Variants in POLR3G observed in about 807,000 individuals in gnomAD.
POLR3G encodes the protein DNA-directed RNA polymerase III subunit RPC7.
In POLR3G, 28 loss-of-function variants were observed where a neutral mutation model predicts 30.1. That is an observed-to-expected ratio of 0.93 (90% CI 0.69 to 1.27). The LOEUF is 1.27. Ranked by LOEUF, POLR3G falls within the 50% of genes most tolerant of loss-of-function variation. POLR3G has a pLI of 0.00. For missense variants in POLR3G, 254 were observed against 264.6 expected (o/e 0.96, Z 0.28); for synonymous variants, 79 against 82.5 (o/e 0.96, Z 0.23).
chr5:90,511,912 G>C, intron 7 of POLR3G, 141 bp from the exon 8 acceptor site: 1 of 611,192 alleles, frequency 1.6e-6, no homozygotes, highest in Non-Finnish European at 3.0e-6. Context: ...GTGGTCTTAA[G>C]GAAGAAAGCG....
chr5:90,483,486 G>A (rs1170877976), intron 1 of POLR3G, among the ~76,000 whole-genome samples: 1 of 152,148 alleles, frequency 6.6e-6, no homozygotes, highest in Non-Finnish European at 1.5e-5. Context: ...AAATGTAGAA[G>A]GACATTAAAA....
intron 2 of POLR3G, among the ~76,000 whole-genome samples, chr5:90,486,267 T>A (rs1419481807): frequency 3.9e-5 from 6 of 152,252 alleles, no homozygotes; most frequent in Admixed American, 2.6e-4. Context: ...TGCGTTTTGC[T>A]CTTGGTATTT....
At chr5:90,495,656 C>A (rs745895874) in intron 3 of POLR3G, 21 bp from the exon 4 acceptor site, 2 of 1,598,108 alleles carry the variant, frequency 1.3e-6, no homozygotes, top group Admixed American at 3.5e-5. Context: ...CTAATGAGTT[C>A]TTTATTCTTT....
chr5:90,481,454 G>A (rs1017045408), intron 1 of POLR3G, among the ~76,000 whole-genome samples: 3 of 152,126 alleles, frequency 2.0e-5, no homozygotes, highest in Non-Finnish European at 2.9e-5. Context: ...TCCAGAATAT[G>A]GGAAATTATA....
rs1209455631 is a variant in POLR3G at position 90,474,931 on chromosome 5, A to T, written c.-133A>T. 3 of 152,488 alleles carry T rather than the reference A, an allele frequency of 2.0e-5. No individual in the cohort carries two copies. Among genetic ancestry groups the T allele is most frequent in the African/African-American group, 7.2e-5 (3 of 41,460 alleles). 9.4% of individuals were successfully genotyped at this position (152,488 alleles called of 1,614,324 possible). A position where few individuals can be genotyped will look rare whatever the true frequency, so the allele number is the denominator to read the frequency against. ...TCCCGAGGTGGAACGGGCGGCAGTC[A>T]AGCGCCGGCGTTCTCTGCCGTCACC... On this transcript the variant is annotated 5_prime_UTR_variant, in exon 1 of 8. Coordinates refer to ENST00000651687, the MANE Select transcript of POLR3G (RefSeq NM_006467.3).
chr5:90,505,676 TAAGAAAC>T, intron 6 of POLR3G, among the ~76,000 whole-genome samples: 1 of 152,042 alleles, frequency 6.6e-6, no homozygotes, highest in Non-Finnish European at 1.5e-5. Flanking sequence ...CCAGATATAT[TAAGAAAC>T]AAGAATTCCT....
intron 3 of POLR3G, 138 bp from the exon 4 acceptor site, chr5:90,495,538 CT>C: frequency 1.4e-6 from 2 of 1,393,006 alleles, no homozygotes; most frequent in South Asian, 3.0e-5. Context: ...TTCCCATTCT[CT>C]TATGTACAAA....
Position 90,513,878 on chromosome 5 carries a change from TCTCAA to T in POLR3G, c.*1743_*1747del, listed in dbSNP as rs1279576946. Reference sequence around the variant, plus strand: ...GATAATTAACATAGGTGTTTTATTCTCTCAACTCCTTAGTACCAGAGCCAAATACA... The same window carrying T: ...GATAATTAACATAGGTGTTTTATTCTCTCCTTAGTACCAGAGCCAAATACA... On this transcript the variant is annotated 3_prime_UTR_variant, in exon 8 of 8. Transcript: ENST00000651687. 1 of 152,246 alleles carries T rather than the reference TCTCAA, an allele frequency of 6.6e-6. No homozygotes were observed. The highest frequency in any genetic ancestry group is 1.5e-5 in the Non-Finnish European group (1 of 68,044). The allele number at this position is 152,246 out of a possible 1,614,324, so 9.4% of individuals were successfully genotyped here.
intron 7 of POLR3G, among the ~76,000 whole-genome samples, chr5:90,510,997 A>G (rs1375967934): frequency 6.6e-6 from 1 of 152,146 alleles, no homozygotes; most frequent in African/African-American, 2.4e-5. Context: ...GCAGATCTCA[A>G]TCATGTGCAA....
At chr5:90,502,350 T>C (rs368417046) in intron 6 of POLR3G, 3 of 926,768 alleles carry the variant, frequency 3.2e-6, no homozygotes, top group Admixed American at 6.2e-5. Flanking sequence ...TTTTTCCTCC[T>C]GTTGGTTAAT....
intron 1 of POLR3G, among the ~76,000 whole-genome samples, chr5:90,479,874 TGAG>T (rs1751037727): frequency 6.6e-6 from 1 of 152,044 alleles, no homozygotes; most frequent in Non-Finnish European, 1.5e-5. Flanking sequence ...AGAGGGAAGA[TGAG>T]GAGAGTAGCA....
intron 7 of POLR3G, among the ~76,000 whole-genome samples, chr5:90,508,802 C>T (rs1752609623): frequency 6.6e-6 from 1 of 152,156 alleles, no homozygotes; most frequent in Non-Finnish European, 1.5e-5. Flanking sequence ...CAGTGGCTCA[C>T]TCTGTAATCC....
At chr5:90,484,846 T>C (rs573463663) in intron 1 of POLR3G, among the ~76,000 whole-genome samples, 5 of 152,330 alleles carry the variant, frequency 3.3e-5, no homozygotes, top group African/African-American at 1.2e-4. Context: ...GAAAGAACTC[T>C]AGCGTAGGGA....
intron 1 of POLR3G, among the ~76,000 whole-genome samples, chr5:90,483,649 A>AT (rs1751261952): frequency 6.6e-6 from 1 of 152,162 alleles, no homozygotes. Context: ...TACTAAAAAA[A>AT]TAAGCCGGGC....
intron 6 of POLR3G, 30 bp from the exon 7 acceptor site, chr5:90,506,498 A>G (rs370208515): frequency 3.7e-6 from 6 of 1,605,582 alleles, no homozygotes; most frequent in Non-Finnish European, 4.2e-6. Flanking sequence ...AGTGGTTTCC[A>G]TACAAATTAA....
At chr5:90,510,808 A>C (rs1227648272) in intron 7 of POLR3G, among the ~76,000 whole-genome samples, 1 of 152,142 alleles carries the variant, frequency 6.6e-6, no homozygotes, top group African/African-American at 2.4e-5. Context: ...TATACAGTGA[A>C]TAATGCATGT....
intron 5 of POLR3G, among the ~76,000 whole-genome samples, chr5:90,499,171 C>T (rs967458702): frequency 1.3e-5 from 2 of 151,924 alleles, no homozygotes; most frequent in Non-Finnish European, 2.9e-5. Flanking sequence ...ATCATTGAGA[C>T]CAAGAGAAAG....
Position 90,506,543 on chromosome 5 carries a change from G to A in POLR3G, c.454G>A (p.Gly152Ser), listed in dbSNP as rs1257301922. The A allele has an allele frequency of 3.1e-6, 5 of 1,612,774 alleles. No individual in the cohort carries two copies. The African/African-American group carries it at 5.3e-5, about 17-fold the overall frequency. The stretch of plus-strand genomic sequence containing the variant: ...CTTATACCAGGAATTGGAAAAAAGA[G>A]GTGATGGTGAAAAATCAGATGAGGA... ...LKKMEELEKR[G>S]DGEKSDEENE... The change falls in exon 7 of 8, where the codon GGT (glycine) becomes AGT (serine). Residue 152 changes from glycine (G) to serine (S), a missense_variant. Coordinates refer to ENST00000651687, the MANE Select transcript of POLR3G (RefSeq NM_006467.3).
chr5:90,484,486 G>A lies in POLR3G; in HGVS notation c.-43-1039G>A, dbSNP rs145163666. On this transcript the variant is annotated intron_variant, in intron 1 of 7. Transcript: ENST00000651687. ...TAGACAGTAAAATTGATATAAAGAC[G>A]TAGCACCTTGTTGGTTTTACGTAGT... Among the ~76,000 whole-genome samples the A allele has an allele frequency of 5.7e-3, 866 of 152,298 alleles. 5 individuals are homozygous for A. Among genetic ancestry groups the A allele is most frequent in the South Asian group, 8.3e-3 (40 of 4,832 alleles).
Sources: gnomAD v4.1 joint callset for allele counts (sites outside exome capture counted in the v4.1 genomes callset) on GRCh38, gnomAD v4.1.1 for gene constraint, MANE v1.5 for transcripts, NCBI Gene and HGNC (gene_info 2026-07-23, HGNC 2026-07-21) for gene names.